Variants in CAPN14 observed in about 807,000 individuals in gnomAD.
The protein encoded by CAPN14 is calpain 14.
Under a neutral mutation model 101.3 loss-of-function variants are expected in CAPN14, and 94 were observed. That is an observed-to-expected ratio of 0.93 (90% CI 0.79 to 1.10). The LOEUF is 1.10. Ranked by LOEUF, CAPN14 falls within the 50% of genes least tolerant of loss-of-function variation. The probability of loss-of-function intolerance (pLI) is 0.00; values close to 1 mark genes in which losing one functional copy is unlikely to be tolerated. For synonymous variants in CAPN14, 338 were observed against 317.9 expected (o/e 1.06, Z -0.67); for missense variants, 837 against 828.4 (o/e 1.01, Z -0.13).
At chr2:31,188,427 T>C (rs146061154) in intron 13 of CAPN14, 73 bp from the exon 14 acceptor site, 27,894 of 1,371,404 alleles carry the variant, frequency 0.02, 391 homozygotes, top group South Asian at 0.04. Context: ...CCCCTTCTCC[T>C]GGGAGCTCGT....
intron 12 of CAPN14, among the ~76,000 whole-genome samples, chr2:31,189,982 C>T (rs1681095365): frequency 6.6e-6 from 1 of 152,218 alleles, no homozygotes; most frequent in South Asian, 2.1e-4. Context: ...TCCCCACCTA[C>T]ACCACACAGC....
Position 31,226,338 on chromosome 2 carries a change from G to A in CAPN14, c.-53+190C>T, listed in dbSNP as rs180932724. On this transcript the variant is annotated intron_variant and NMD_transcript_variant, in intron 2 of 21. Coordinates refer to the CAPN14 transcript ENST00000398824. ...TAGACTTATCTGTTATAACATATAA[G>A]GTTATAATAATTGGCCAACTACAGG... Among the ~76,000 whole-genome samples the A allele has an allele frequency of 1.5e-3, 233 of 152,236 alleles. 1 individual carries two copies. Among genetic ancestry groups the A allele is most frequent in the African/African-American group, 5.2e-3 (218 of 41,534 alleles).
chr2:31,195,537 A>C, intron 8 of CAPN14, among the ~76,000 whole-genome samples: 1 of 152,150 alleles, frequency 6.6e-6, no homozygotes, highest in East Asian at 1.9e-4. Context: ...TGGTTTTACC[A>C]TGTTGGCCGG....
chr2:31,232,948 C>T (rs1050618779), intron 1 of CAPN14, among the ~76,000 whole-genome samples: 1 of 152,154 alleles, frequency 6.6e-6, no homozygotes, highest in Non-Finnish European at 1.5e-5. Flanking sequence ...TTTATCACTA[C>T]ACTGTTTAGA....
chr2:31,202,631 A>C (rs574387169), intron 3 of CAPN14, among the ~76,000 whole-genome samples: 1 of 152,136 alleles, frequency 6.6e-6, no homozygotes, highest in Non-Finnish European at 1.5e-5. Context: ...CCTGTCTGTG[A>C]AATGGGTATC....
chr2:31,205,100 G>A, intron 2 of CAPN14, 123 bp downstream of exon 2: 1 of 778,412 alleles, frequency 1.3e-6, no homozygotes, highest in Admixed American at 2.3e-5. Flanking sequence ...AGAGTGTGTT[G>A]TGTTGAGTGG....
chr2:31,229,181 C>T (rs1031050700), intron 1 of CAPN14, among the ~76,000 whole-genome samples: 1 of 152,070 alleles, frequency 6.6e-6, no homozygotes, highest in Non-Finnish European at 1.5e-5. Context: ...GGGGTCCCCT[C>T]TAGAAAGAAG....
intron 1 of CAPN14, among the ~76,000 whole-genome samples, chr2:31,229,760 C>G (rs1342822734): frequency 6.6e-6 from 1 of 151,894 alleles, no homozygotes; most frequent in Non-Finnish European, 1.5e-5. Context: ...CCCTGTGTAC[C>G]CATCCCCAAT....
chr2:31,230,518 C>G lies in CAPN14; in HGVS notation c.-177+3273G>C, dbSNP rs2148711228. On this transcript the variant is annotated intron_variant and NMD_transcript_variant, in intron 1 of 21. Coordinates refer to the CAPN14 transcript ENST00000398824. The surrounding 1 kb of genome is among the most constrained non-coding windows in gnomAD (Gnocchi z 4.3). ...TCCCATTGCTCTACATCCTCACCAA[C>G]CCTACCATCCAACTTTTTATTCTTG... is the stretch of plus-strand genomic sequence containing the variant. Among the ~76,000 whole-genome samples the G allele has an allele frequency of 6.6e-6, 1 of 152,344 alleles. No individual in the cohort carries two copies. Among genetic ancestry groups the G allele is most frequent in the East Asian group, 1.9e-4 (1 of 5,184 alleles).
intron 18 of CAPN14, among the ~76,000 whole-genome samples, chr2:31,178,075 G>A: frequency 6.6e-6 from 1 of 152,232 alleles, no homozygotes; most frequent in East Asian, 1.9e-4. Flanking sequence ...CTTGGTGTGG[G>A]TAAATGTGCT....
intron 16 of CAPN14, among the ~76,000 whole-genome samples, chr2:31,181,418 C>G (rs1272646968): frequency 6.8e-6 from 1 of 146,904 alleles, no homozygotes; most frequent in African/African-American, 2.6e-5. Context: ...TTCTTTCTTT[C>G]TTTCTTTCTT....
At chr2:31,191,364 C>A in intron 12 of CAPN14, 35 bp downstream of exon 12, 1 of 1,539,952 alleles carries the variant, frequency 6.5e-7, no homozygotes, top group Non-Finnish European at 8.7e-7. Context: ...GATGTCACCC[C>A]AAACTAGGGC....
intron 16 of CAPN14, among the ~76,000 whole-genome samples, chr2:31,183,190 A>G (rs1363934127): frequency 6.6e-6 from 1 of 151,916 alleles, no homozygotes; most frequent in Non-Finnish European, 1.5e-5. Context: ...TTAATTCAAG[A>G]TGGATTAAAG....
intron 2 of CAPN14, among the ~76,000 whole-genome samples, chr2:31,225,000 T>C (rs1682978046): frequency 6.6e-6 from 1 of 152,056 alleles, no homozygotes; most frequent in East Asian, 1.9e-4. Context: ...TTCGGTTTTG[T>C]AGGAGAGAGA....
chr2:31,232,391 T>G (rs977221381), intron 1 of CAPN14, among the ~76,000 whole-genome samples: 6 of 152,214 alleles, frequency 3.9e-5, no homozygotes, highest in Admixed American at 2.0e-4. Context: ...TGCAGCTGTC[T>G]CCTAAGTTTT....
intron 7 of CAPN14, among the ~76,000 whole-genome samples, chr2:31,198,057 G>A (rs184665526): frequency 6.6e-6 from 1 of 152,264 alleles, no homozygotes; most frequent in East Asian, 1.9e-4. Flanking sequence ...TAAATCTTGG[G>A]ACCCCAAAAT....
intron 7 of CAPN14, among the ~76,000 whole-genome samples, chr2:31,198,693 A>G (rs1681591440): frequency 6.6e-6 from 1 of 152,208 alleles, no homozygotes. Context: ...AAACAGAGTT[A>G]AAGGAAACTG....
upstream of CAPN14, among the ~76,000 whole-genome samples, chr2:31,221,554 T>C (rs1391735220): frequency 1.3e-5 from 2 of 152,194 alleles, no homozygotes; most frequent in Non-Finnish European, 2.9e-5. Flanking sequence ...TTTGGTTTTT[T>C]TTTGGTTTAC....
Position 31,176,620 on chromosome 2 carries a change from T to G in CAPN14, c.1995A>C (p.Gln665His), listed in dbSNP as rs1163466765. 1.9e-6 allele frequency: 3 copies of G among 1,551,742 alleles called. No individual in the cohort carries two copies. The highest frequency in any genetic ancestry group is 2.4e-5 in the East Asian group (1 of 40,924). The change falls in exon 21 of 22, where the codon CAA becomes CAC. Residue 665 changes from glutamine (Q) to histidine (H), a missense_variant. Physicochemically the swap from Gln to His is conservative, Grantham distance 24. Coordinates refer to ENST00000403897, the MANE Select transcript of CAPN14 (RefSeq NM_001145122.2). ...TCTGGAGGTATATCCCTTTGCCATC[T>G]TGGGTTAAGTTTTGGAAGACATCTG... ...NMEDVFQNLT[Q>H]DGKGIYLQKP...
Sources: allele counts gnomAD v4.1 joint callset (sites outside exome capture counted in the v4.1 genomes callset), GRCh38; gene constraint gnomAD v4.1.1; non-coding constraint Gnocchi (gnomAD v3.1); transcripts MANE v1.5; gene names NCBI Gene and HGNC (gene_info 2026-07-23, HGNC 2026-07-21).